Variants in EIF3I observed in about 807,000 individuals in gnomAD.
The protein encoded by EIF3I is TGF-beta receptor-interacting protein 1.
In EIF3I, 20 loss-of-function variants were observed where a neutral mutation model predicts 43.3. The ratio of observed to expected loss-of-function variants is 0.46; its 90% CI spans 0.32 to 0.67. The LOEUF (loss-of-function observed/expected upper bound fraction) is 0.67, where lower values mean the gene tolerates loss of function less well. EIF3I is among the 30% of genes least tolerant of loss of function. EIF3I has a pLI of 0.03. For missense variants in EIF3I, 279 were observed against 421.4 expected (o/e 0.66, Z 2.96); for synonymous variants, 167 against 151.7 (o/e 1.10, Z -0.74).
chr1:32,224,659 T>C (rs1639114284), intron 4 of EIF3I, among the ~76,000 whole-genome samples, 184 bp downstream of exon 4: 1 of 108,012 alleles, frequency 9.3e-6, no homozygotes, highest in Admixed American at 1.0e-4. Flanking sequence ...TTAAGTTTTC[T>C]TTTTTTTTTT....
rs1056530529 is a variant in EIF3I, at chr1:32,226,087, A to G, written c.251-84A>G. ...TTTGGGTCACTGGAGCAAGACAAAC[A>G]GTGAGATGTGATGGTAGCATTCTCT... is the stretch of plus-strand genomic sequence containing the variant. On this transcript the variant is annotated intron_variant, in intron 4 of 11. Transcript: ENST00000676679. The G allele has an allele frequency of 7.2e-6, 11 of 1,520,600 alleles. No individual in the cohort carries two copies. The African/African-American group carries it at 1.5e-4, about 21-fold the overall frequency. The allele number at this position is 1,520,600 out of a possible 1,614,324, so 94.2% of individuals were successfully genotyped here.
downstream of EIF3I, among the ~76,000 whole-genome samples, chr1:32,233,604 C>A (rs925264747): frequency 6.6e-6 from 1 of 152,120 alleles, no homozygotes; most frequent in Non-Finnish European, 1.5e-5. Context: ...TATGGCTGCT[C>A]TTATCCCCTT....
At chr1:32,230,531 A>AT in intron 10 of EIF3I, among the ~76,000 whole-genome samples, 1 of 151,128 alleles carries the variant, frequency 6.6e-6, no homozygotes, top group East Asian at 2.0e-4. Context: ...CTTCTGCTTT[A>AT]TTTTTTGTGA....
chr1:32,223,892 ACCAGCTCCCTGCTGTTTC>A (rs1639089075), intron 2 of EIF3I, 124 bp from the exon 3 acceptor site: 1 of 717,466 alleles, frequency 1.4e-6, no homozygotes, highest in African/African-American at 1.8e-5. Context: ...TGGTCTTTTT[ACCAGCTCCCTGCTGTTTC>A]CCAAGAAATA....
chr1:32,228,152 C>T (rs1478442547), intron 6 of EIF3I, among the ~76,000 whole-genome samples: 1 of 152,164 alleles, frequency 6.6e-6, no homozygotes, highest in East Asian at 1.9e-4. Context: ...GTCTTGGGGA[C>T]AGAGGACGGG....
At chr1:32,232,650 G>T (rs539881433), downstream of EIF3I, among the ~76,000 whole-genome samples, 11 of 152,194 alleles carry the variant, frequency 7.2e-5, no homozygotes, top group Non-Finnish European at 1.5e-4. Context: ...GGCGGCTGCC[G>T]GAGAGTCCAG....
chr1:32,226,733 A>G (rs1304624751), intron 6 of EIF3I, among the ~76,000 whole-genome samples: 1 of 145,518 alleles, frequency 6.9e-6, no homozygotes, highest in Non-Finnish European at 1.5e-5. Flanking sequence ...CACCTGGCTA[A>G]TTTTTTTTGT....
exon 1 of EIF3I, chr1:32,222,417 C>T (rs775357695): frequency 1.3e-6 from 2 of 1,590,814 alleles, no homozygotes; most frequent in Admixed American, 3.4e-5. Flanking sequence ...ACTCACGTTG[C>T]GGCCTTCCTC....
chr1:32,230,796 C>A, intron 10 of EIF3I, 131 bp from the exon 10 acceptor site: 1 of 688,566 alleles, frequency 1.5e-6, no homozygotes, highest in Non-Finnish European at 2.4e-6. Flanking sequence ...TGTACTCCAC[C>A]CTGGGTGACA....
chr1:32,222,441 G>T (rs1413162500), exon 1 of EIF3I: 2 of 1,600,416 alleles, frequency 1.2e-6, no homozygotes, highest in Admixed American at 1.7e-5. Context: ...TCACAGCCGG[G>T]ATGGTGAGTT....
exon 12 of EIF3I, chr1:32,231,130 C>G: frequency 1.2e-6 from 2 of 1,614,070 alleles, no homozygotes; most frequent in Non-Finnish European, 1.7e-6. Flanking sequence ...GCAGCGGCGG[C>G]GAAGATGGTT....
At chr1:32,225,744 C>A (rs191565332) in intron 4 of EIF3I, among the ~76,000 whole-genome samples, 10 of 151,622 alleles carry the variant, frequency 6.6e-5, no homozygotes, top group African/African-American at 2.2e-4. Flanking sequence ...AAAAAAAGGC[C>A]GGGCGCGGTG....
At chr1:32,231,616 C>G (rs904664298), downstream of EIF3I, 2 of 172,448 alleles carry the variant, frequency 1.2e-5, no homozygotes, top group African/African-American at 4.8e-5. Context: ...TTTGTGGTGT[C>G]TGTTTCATCA....
At chr1:32,229,572 A>T (rs1438100001) in intron 9 of EIF3I, among the ~76,000 whole-genome samples, 3 of 122,978 alleles carry the variant, frequency 2.4e-5, no homozygotes, top group African/African-American at 9.5e-5. Flanking sequence ...TTTTTTTGAC[A>T]CGGAGTCTTG....
chr1:32,232,313 G>C (rs1353909937), downstream of EIF3I: 1 of 152,150 alleles, frequency 6.6e-6, no homozygotes, highest in African/African-American at 2.4e-5. Context: ...CCTTTTTCTT[G>C]CAAACATTAT....
At position 32,228,577 on chromosome 1, in the gene EIF3I, T is replaced by C. The variant is rs1343378635; in HGVS notation, c.607T>C (p.Phe203Leu). The C allele has an allele frequency of 5.6e-6, 9 of 1,614,214 alleles. No homozygotes were observed. The East Asian group carries it at 1.6e-4, about 28-fold the overall frequency. ...CCAGTTATCCAGGGACATGACCATGTTTGTGACCGCGTCCAAGGACAACAC... is the reference window on the plus strand; with the variant it reads ...CCAGTTATCCAGGGACATGACCATGCTTGTGACCGCGTCCAAGGACAACAC... The change falls in exon 7 of 12, where the codon TTT (phenylalanine) becomes CTT (leucine). Residue 203 changes from phenylalanine to leucine, a missense_variant. This residue lies in a region of EIF3I where 156 missense variants were observed against 178.8 expected (regional missense o/e 0.87). Transcript: ENST00000676679.
rs1639196278 is a variant in EIF3I, at chr1:32,229,295, C to G, written c.803+87C>G. 3.4e-5 allele frequency: 49 copies of G among 1,422,732 alleles called. No homozygotes were observed. The South Asian group carries it at 5.6e-4, about 16-fold the overall frequency. 88.1% of individuals were successfully genotyped at this position (1,422,732 alleles called of 1,614,324 possible). ...TTTGTTTTTGAGATGGAGTCTCGCT[C>G]TGTCGCCTAGGCTGGAGCGCAGTGG... On this transcript the variant is annotated intron_variant, in intron 9 of 11. Transcript: ENST00000676679.
intron 6 of EIF3I, among the ~76,000 whole-genome samples, chr1:32,227,495 G>T (rs189482128): frequency 1.1e-4 from 16 of 152,080 alleles, no homozygotes; most frequent in South Asian, 4.2e-4. Context: ...AGGATCACAG[G>T]CCGGGTGTGG....
chr1:32,226,015 T>C, intron 4 of EIF3I, 156 bp from the exon 5 acceptor site: 1 of 997,922 alleles, frequency 1.0e-6, no homozygotes, highest in South Asian at 1.8e-5. Flanking sequence ...AGAGTGAAAC[T>C]GTCTCAAAAA....
Sources: gnomAD v4.1 joint callset for allele counts (sites outside exome capture counted in the v4.1 genomes callset) on GRCh38, gnomAD v4.1.1 for gene constraint, gnomAD v4.1.1 regional missense constraint, MANE v1.5 for transcripts, NCBI Gene and HGNC (gene_info 2026-07-23, HGNC 2026-07-21) for gene names.